Variants in LY86 observed in about 807,000 individuals in gnomAD.
LY86 encodes lymphocyte antigen 86, also known as MD-1, RP105-associated.
A neutral mutation model predicts 17.3 loss-of-function variants in LY86; 20 were observed. The ratio of observed to expected loss-of-function variants is 1.15; its 90% CI spans 0.81 to 1.68. The LOEUF (loss-of-function observed/expected upper bound fraction) is 1.68, where lower values mean the gene tolerates loss of function less well. Ranked by LOEUF, LY86 falls within the 40% of genes most tolerant of loss-of-function variation. The pLI is 0.00. For missense variants in LY86, 200 were observed against 191.9 expected, an observed-to-expected ratio of 1.04 and a Z score of -0.25; for synonymous variants, 74 against 70.6, an observed-to-expected ratio of 1.05 and a Z score of -0.24.
chr6:6,603,496 C>A (rs1328360815), intron 1 of LY86, among the ~76,000 whole-genome samples: 1 of 151,024 alleles, frequency 6.6e-6, no homozygotes, highest in African/African-American at 2.4e-5. Context: ...TGACAGAAAT[C>A]TTTTAAATAT....
At chr6:6,603,510 G>T (rs1455912073) in intron 1 of LY86, among the ~76,000 whole-genome samples, 1 of 150,368 alleles carries the variant, frequency 6.7e-6, no homozygotes, top group Non-Finnish European at 1.5e-5. Context: ...TAAATATATA[G>T]CTGAGCTTGC....
chr6:6,607,520 C>T (rs1487619980), intron 1 of LY86, among the ~76,000 whole-genome samples: 2 of 152,058 alleles, frequency 1.3e-5, no homozygotes, highest in South Asian at 2.1e-4. Context: ...TTAAAATATT[C>T]CAATTAAATC....
intron 1 of LY86, among the ~76,000 whole-genome samples, chr6:6,604,524 CTA>C: frequency 6.6e-6 from 1 of 152,022 alleles, no homozygotes; most frequent in Non-Finnish European, 1.5e-5. Context: ...AGGTCTAGAG[CTA>C]TGACTCAAAA....
At chr6:6,642,570 C>T (rs1376697782) in intron 3 of LY86, among the ~76,000 whole-genome samples, 3 of 152,210 alleles carry the variant, frequency 2.0e-5, no homozygotes, top group Admixed American at 6.5e-5. Flanking sequence ...CCGTGACATT[C>T]GCCCTGAAGG....
At position 6,654,732 on chromosome 6, in the gene LY86, G is replaced by A. The variant is rs1762236161; in HGVS notation, c.*105G>A. 9 of 980,866 alleles carry A rather than the reference G, an allele frequency of 9.2e-6. No individual in the cohort carries two copies. The highest frequency in any genetic ancestry group is 1.4e-5 in the Non-Finnish European group (9 of 637,668). The allele number at this position is 980,866 out of a possible 1,614,324, so 60.8% of individuals were successfully genotyped here. A position where few individuals can be genotyped will look rare whatever the true frequency, so the allele number is the denominator to read the frequency against. ...GAGAAGCAGCTGATGACAGAGAGAGGCTCTACAAAGAAGCGCCCCCAAAGA... is the reference window on the plus strand; with the variant it reads ...GAGAAGCAGCTGATGACAGAGAGAGACTCTACAAAGAAGCGCCCCCAAAGA... On this transcript the variant is annotated 3_prime_UTR_variant, in exon 5 of 5. Transcript: ENST00000230568.
At position 6,603,603 on chromosome 6, in the gene LY86, C is replaced by CAAA. The variant is rs1207511602; in HGVS notation, c.136+14734_136+14735insAAA. On this transcript the variant is annotated intron_variant, in intron 1 of 4. Coordinates refer to ENST00000230568, the MANE Select transcript of LY86 (RefSeq NM_004271.4). The stretch of plus-strand genomic sequence containing the variant: ...CCAAAGCCAAAAACAAAAACAGAAA[C>CAAA]AGAAAAAAAAACAAACAAAAAAAAA... 6.8e-3 allele frequency among the ~76,000 whole-genome samples: 479 copies of CAAA among 70,210 alleles called. 3 individuals carry two copies. The highest frequency in any genetic ancestry group is 0.011 in the Non-Finnish European group (355 of 30,964). 46.1% of individuals were successfully genotyped at this position (70,210 alleles called of 152,430 possible).
At chr6:6,637,685 C>A (rs1761979354) in intron 3 of LY86, among the ~76,000 whole-genome samples, 1 of 152,168 alleles carries the variant, frequency 6.6e-6, no homozygotes, top group Admixed American at 6.5e-5. Context: ...CCCGAGAGCC[C>A]TGAGTGTGTG....
At chr6:6,597,124 G>A (rs758358220) in intron 1 of LY86, among the ~76,000 whole-genome samples, 24 of 152,356 alleles carry the variant, frequency 1.6e-4, no homozygotes, top group Admixed American at 3.9e-4. Flanking sequence ...CATTCCTAAA[G>A]CAGCAGCGAT....
Position 6,654,713 on chromosome 6 carries a change from C to A in LY86, c.*86C>A. On this transcript the variant is annotated 3_prime_UTR_variant, in exon 5 of 5. Transcript: ENST00000230568. ...ACTGAACCTACTGTGGGAGGAGAAG[C>A]AGCTGATGACAGAGAGAGGCTCTAC... The A allele has an allele frequency of 1.8e-6, 2 of 1,123,926 alleles. No homozygotes were observed. The highest frequency in any genetic ancestry group is 2.4e-5 in the East Asian group (1 of 41,998). 69.6% of individuals were successfully genotyped at this position (1,123,926 alleles called of 1,614,324 possible).
chr6:6,608,580 C>G (rs1283074401), intron 1 of LY86, among the ~76,000 whole-genome samples: 4 of 152,186 alleles, frequency 2.6e-5, no homozygotes, highest in African/African-American at 9.7e-5. Context: ...TAAGCCTGGG[C>G]AAAAGTATTT....
chr6:6,643,339 AAAAG>A (rs1236105339), intron 3 of LY86, among the ~76,000 whole-genome samples: 2 of 152,244 alleles, frequency 1.3e-5, no homozygotes, highest in Admixed American at 6.5e-5. Flanking sequence ...TCAGCCTTAA[AAAAG>A]AAAGAAATTC....
chr6:6,605,163 A>G (rs1166572803), intron 1 of LY86, among the ~76,000 whole-genome samples: 1 of 152,200 alleles, frequency 6.6e-6, no homozygotes, highest in Non-Finnish European at 1.5e-5. Flanking sequence ...TTTATCAATG[A>G]ATGTAATGAT....
chr6:6,654,188 A>G (rs1287887228), intron 4 of LY86, among the ~76,000 whole-genome samples: 1 of 151,862 alleles, frequency 6.6e-6, no homozygotes, highest in Admixed American at 6.6e-5. Flanking sequence ...CATCTGCTTC[A>G]GGTCTTTGCC....
At chr6:6,611,774 C>G (rs947441440) in intron 1 of LY86, among the ~76,000 whole-genome samples, 1 of 150,460 alleles carries the variant, frequency 6.6e-6, no homozygotes, top group African/African-American at 2.5e-5. Context: ...AGCACAGTGC[C>G]TATCAAACAG....
At chr6:6,597,252 A>T (rs1439415168) in intron 1 of LY86, among the ~76,000 whole-genome samples, 1 of 152,198 alleles carries the variant, frequency 6.6e-6, no homozygotes, top group Non-Finnish European at 1.5e-5. Context: ...ACCCATTCCC[A>T]GCTCCAGTAG....
Position 6,654,923 on chromosome 6 carries a change from T to G in LY86, c.*296T>G. 3.0e-6 allele frequency: 1 copy of G among 336,110 alleles called. No individual in the cohort carries two copies. Among genetic ancestry groups the G allele is most frequent in the Non-Finnish European group, 5.4e-6 (1 of 185,238 alleles). The allele number at this position is 336,110 out of a possible 1,614,324, so 20.8% of individuals were successfully genotyped here. On this transcript the variant is annotated 3_prime_UTR_variant, in exon 5 of 5. Transcript: ENST00000230568. ...GTCGCCTCCCACCAGACTCACCTGCTTTTCAACTTTTTAGGAGTGCTTCCT... is the reference window on the plus strand; with the variant it reads ...GTCGCCTCCCACCAGACTCACCTGCGTTTCAACTTTTTAGGAGTGCTTCCT...
intron 1 of LY86, among the ~76,000 whole-genome samples, chr6:6,613,629 C>G (rs9405951): frequency 6.6e-6 from 1 of 152,190 alleles, no homozygotes; most frequent in Non-Finnish European, 1.5e-5. Context: ...TGCGCTTCCC[C>G]CTTCATATCT....
intron 1 of LY86, among the ~76,000 whole-genome samples, chr6:6,603,082 C>A (rs1052066566): frequency 3.3e-5 from 5 of 151,782 alleles, no homozygotes; most frequent in Non-Finnish European, 7.4e-5. Flanking sequence ...ATGGTCCTCC[C>A]GACTCTGTCC....
At chr6:6,605,593 G>A (rs1761092339) in intron 1 of LY86, among the ~76,000 whole-genome samples, 1 of 152,270 alleles carries the variant, frequency 6.6e-6, no homozygotes, top group Non-Finnish European at 1.5e-5. Flanking sequence ...AGCTGTCATA[G>A]TCTCATGACA....
Sources: allele counts gnomAD v4.1 joint callset (sites outside exome capture counted in the v4.1 genomes callset), GRCh38; gene constraint gnomAD v4.1.1; transcripts MANE v1.5; gene names NCBI Gene and HGNC (gene_info 2026-07-23, HGNC 2026-07-21).